The following TACR3 variants were observed in gnomAD, a reference collection of about 807,000 sequenced individuals.
The protein encoded by TACR3 is neuromedin-K receptor.
Under a neutral mutation model 35.0 loss-of-function variants are expected in TACR3, and 34 were observed. That is an observed-to-expected ratio of 0.97 (90% CI 0.74 to 1.30). TACR3 has a LOEUF of 1.30. Ranked by LOEUF, TACR3 falls within the 50% of genes most tolerant of loss-of-function variation. The probability of loss-of-function intolerance (pLI) is 0.00; values close to 1 mark genes in which losing one functional copy is unlikely to be tolerated. For missense variants in TACR3, 558 were observed against 591.7 expected (o/e 0.94, Z 0.59); for synonymous variants, 233 against 221.1 (o/e 1.05, Z -0.48).
chr4:103,638,939 T>A (rs920077818), intron 3 of TACR3, among the ~76,000 whole-genome samples: 29 of 151,864 alleles, frequency 1.9e-4, no homozygotes, highest in African/African-American at 6.8e-4. Context: ...GTCAGGAAAC[T>A]ACAGGTGCTG....
intron 1 of TACR3, among the ~76,000 whole-genome samples, chr4:103,659,374 C>G (rs76385284): frequency 0.065 from 9,890 of 152,196 alleles, 430 homozygotes; most frequent in South Asian, 0.11. Flanking sequence ...AGCTCAAAAC[C>G]TTCATGTCTC....
intron 3 of TACR3, among the ~76,000 whole-genome samples, chr4:103,594,141 A>G (rs548952652): frequency 6.6e-6 from 1 of 151,982 alleles, no homozygotes; most frequent in East Asian, 2.0e-4. Flanking sequence ...TCTGCTTTCA[A>G]GGCAAACAAA....
rs568666116 is a variant in TACR3, at chr4:103,621,497, G to C, written c.889-29814C>G. ...TTTGAGTGGAATATAAGATAGGCAG[G>C]AGGCTTTTTATAAATTCAGACAAAG... On this transcript the variant is annotated intron_variant, in intron 3 of 4. Transcript: ENST00000304883. Among the ~76,000 whole-genome samples, 9 of 152,276 alleles carry C rather than the reference G, an allele frequency of 5.9e-5. No individual in the cohort carries two copies. The East Asian group carries it at 1.2e-3, about 20-fold the overall frequency.
At chr4:103,687,200 C>T (rs796456306) in intron 1 of TACR3, among the ~76,000 whole-genome samples, 4,989 of 152,100 alleles carry the variant, frequency 0.033, 266 homozygotes, top group African/African-American at 0.11. Context: ...TCAATAACCC[C>T]TCATGCTAAA....
chr4:103,665,641 T>C (rs368343615), intron 1 of TACR3, among the ~76,000 whole-genome samples: 34 of 152,166 alleles, frequency 2.2e-4, no homozygotes, highest in African/African-American at 8.2e-4. Flanking sequence ...AGAAATATAT[T>C]ACTCAAGTAG....
chr4:103,664,252 G>C (rs892605903), intron 1 of TACR3, among the ~76,000 whole-genome samples: 1 of 152,070 alleles, frequency 6.6e-6, no homozygotes, highest in Non-Finnish European at 1.5e-5. Context: ...TGATATAATT[G>C]AGGTGGTCTT....
chr4:103,589,366 T>C lies in TACR3; in HGVS notation c.*316A>G, dbSNP rs2110281763. ...CTATATATCATTTTAATGTCACAAA[T>C]GTATATTGCAATTTGTAAATGAGAT... On this transcript the variant is annotated 3_prime_UTR_variant, in exon 5 of 5. Coordinates refer to ENST00000304883, the MANE Select transcript of TACR3 (RefSeq NM_001059.3). 1 of 272,714 alleles carries C rather than the reference T, an allele frequency of 3.7e-6. No individual in the cohort carries two copies. Among genetic ancestry groups the C allele is most frequent in the East Asian group, 7.6e-5 (1 of 13,088 alleles). The allele number at this position is 272,714 out of a possible 1,614,324, so 16.9% of individuals were successfully genotyped here.
chr4:103,627,360 A>C (rs140507535), intron 3 of TACR3, among the ~76,000 whole-genome samples: 105 of 93,014 alleles, frequency 1.1e-3, no homozygotes, highest in African/African-American at 1.3e-3. Flanking sequence ...ATTAAAAAAA[A>C]AAAAAAAAAA....
intron 1 of TACR3, among the ~76,000 whole-genome samples, chr4:103,705,987 A>G (rs1181953025): frequency 6.6e-6 from 1 of 152,212 alleles, no homozygotes; most frequent in Non-Finnish European, 1.5e-5. Flanking sequence ...TGCAATATGA[A>G]CACATTAGGG....
intron 3 of TACR3, among the ~76,000 whole-genome samples, chr4:103,655,728 T>C (rs1725719311): frequency 6.6e-6 from 1 of 151,612 alleles, no homozygotes; most frequent in African/African-American, 2.4e-5. Flanking sequence ...GAGAGAGAAA[T>C]AAAAAGAGAC....
Position 103,625,482 on chromosome 4 carries a change from C to A in TACR3, c.888+30712G>T, listed in dbSNP as rs111906373. Among the ~76,000 whole-genome samples the A allele has an allele frequency of 6.6e-3, 1,005 of 151,268 alleles. 9 individuals carry two copies. Among genetic ancestry groups the A allele is most frequent in the African/African-American group, 0.023 (939 of 41,218 alleles). On this transcript the variant is annotated intron_variant, in intron 3 of 4. Coordinates refer to ENST00000304883, the MANE Select transcript of TACR3 (RefSeq NM_001059.3). ...AAAAAAACTGCCAAGTAGGGATGAA[C>A]AAAAGGAGTAAAATATTCAAGTCAG...
intron 3 of TACR3, among the ~76,000 whole-genome samples, chr4:103,605,323 A>C (rs1724328789): frequency 9.4e-6 from 1 of 106,512 alleles, no homozygotes; most frequent in Admixed American, 1.0e-4. Context: ...CATGATTTAT[A>C]GTCCTTTGGG....
chr4:103,634,881 G>T (rs1725145603), intron 3 of TACR3, among the ~76,000 whole-genome samples: 3 of 151,874 alleles, frequency 2.0e-5, no homozygotes. Context: ...TTCCTTATTT[G>T]CTTATGCATC....
At chr4:103,640,199 C>T (rs1035736312) in intron 3 of TACR3, among the ~76,000 whole-genome samples, 5 of 152,026 alleles carry the variant, frequency 3.3e-5, no homozygotes, top group Admixed American at 2.0e-4. Context: ...TCAAACCATG[C>T]TGTCTGACTC....
chr4:103,674,880 A>AGTTTTTGGCAGGCATTT (rs1420560737), intron 1 of TACR3, among the ~76,000 whole-genome samples: 1 of 152,170 alleles, frequency 6.6e-6, no homozygotes, highest in Non-Finnish European at 1.5e-5. Flanking sequence ...GCAAGGCATT[A>AGTTTTTGGCAGGCATTT]GTTTTTGGCA....
chr4:103,615,376 CGT>C (rs3974469), intron 3 of TACR3, among the ~76,000 whole-genome samples: 55 of 143,906 alleles, frequency 3.8e-4, no homozygotes, highest in Admixed American at 6.9e-4. Flanking sequence ...TTCCTGCTAT[CGT>C]GTGTGTGTGT....
intron 1 of TACR3, among the ~76,000 whole-genome samples, chr4:103,702,984 T>C (rs1172140143): frequency 1.3e-5 from 2 of 151,860 alleles, no homozygotes; most frequent in Non-Finnish European, 2.9e-5. Context: ...CACACCAACA[T>C]GGCACATGTA....
At chr4:103,612,143 C>T (rs1039175291) in intron 3 of TACR3, among the ~76,000 whole-genome samples, 4 of 152,146 alleles carry the variant, frequency 2.6e-5, no homozygotes, top group African/African-American at 4.8e-5. Context: ...ATTTTGCTGC[C>T]GTGTTCTCCA....
intron 1 of TACR3, among the ~76,000 whole-genome samples, chr4:103,698,090 G>A (rs1722565378): frequency 6.6e-6 from 1 of 152,090 alleles, no homozygotes; most frequent in Non-Finnish European, 1.5e-5. Flanking sequence ...GTAAACCTTT[G>A]TGGAAGATAT....
Sources: allele counts gnomAD v4.1 joint callset (sites outside exome capture counted in the v4.1 genomes callset), GRCh38; gene constraint gnomAD v4.1.1; transcripts MANE v1.5; gene names NCBI Gene and HGNC (gene_info 2026-07-23, HGNC 2026-07-21).